The following NOVA1 variants were observed in gnomAD, a reference collection of about 807,000 sequenced individuals.
NOVA1 encodes the protein RNA-binding protein Nova-1.
A neutral mutation model predicts 38.0 loss-of-function variants in NOVA1; 7 were observed. The observed-to-expected ratio is 0.18, with a 90% CI of 0.10 to 0.35. The LOEUF is 0.35. Ranked by LOEUF, NOVA1 falls within the 10% of genes least tolerant of loss-of-function variation. The probability of loss-of-function intolerance (pLI) is 1.00; values close to 1 mark genes in which losing one functional copy is unlikely to be tolerated. For synonymous variants in NOVA1, 270 were observed against 232.5 expected, an observed-to-expected ratio of 1.16 and a Z score of -1.47; for missense variants, 460 against 616.0, an observed-to-expected ratio of 0.75 and a Z score of 2.68.
At chr14:26,573,648 G>GT (rs1473148766) in intron 2 of NOVA1, among the ~76,000 whole-genome samples, 2 of 152,146 alleles carry the variant, frequency 1.3e-5, no homozygotes, top group Non-Finnish European at 2.9e-5. Flanking sequence ...ATTATAATTT[G>GT]AAGTATAAAA....
chr14:26,447,574 C>G lies in NOVA1; in HGVS notation c.*385G>C, dbSNP rs1566424124. On this transcript the variant is annotated 3_prime_UTR_variant, in exon 5 of 5. Transcript: ENST00000539517. ...GCCTCACTCCATTTTAGGTCACTGA[C>G]CCCACCATACTCAACCTAACAGTAG... 5.1e-6 allele frequency: 1 copy of G among 197,824 alleles called. No individual in the cohort carries two copies. Among genetic ancestry groups the G allele is most frequent in the Non-Finnish European group, 1.1e-5 (1 of 95,184 alleles). 12.3% of individuals were successfully genotyped at this position (197,824 alleles called of 1,614,324 possible).
chr14:26,536,427 C>T (rs991427465), intron 2 of NOVA1, among the ~76,000 whole-genome samples: 20 of 151,740 alleles, frequency 1.3e-4, no homozygotes, highest in Admixed American at 3.9e-4. Flanking sequence ...GCTAATGATG[C>T]GACTTTTTTC....
chr14:26,583,730 T>C (rs1166635023), intron 2 of NOVA1, among the ~76,000 whole-genome samples: 1 of 151,342 alleles, frequency 6.6e-6, no homozygotes, highest in South Asian at 2.1e-4. Flanking sequence ...TGATGAAAAA[T>C]CCCGCTTTAT....
At chr14:26,462,010 C>T (rs1398092134) in intron 4 of NOVA1, among the ~76,000 whole-genome samples, 8 of 151,886 alleles carry the variant, frequency 5.3e-5, no homozygotes, top group Non-Finnish European at 1.0e-4. Context: ...CTAAGAGAAC[C>T]TCTAACTGTA....
intron 2 of NOVA1, among the ~76,000 whole-genome samples, chr14:26,554,247 C>A (rs1282831464): frequency 6.6e-6 from 1 of 150,756 alleles, no homozygotes; most frequent in Non-Finnish European, 1.5e-5. Flanking sequence ...GGAGCACAAA[C>A]AGAAAAAAAG....
Position 26,597,410 on chromosome 14 carries a change from C to G in NOVA1, c.27G>C (p.Gln9His). 6.2e-6 allele frequency: 8 copies of G among 1,286,542 alleles called. No homozygotes were observed. The highest frequency in any genetic ancestry group is 5.9e-6 in the Non-Finnish European group (6 of 1,009,312). 79.7% of individuals were successfully genotyped at this position (1,286,542 alleles called of 1,614,324 possible). A position where few individuals can be genotyped will look rare whatever the true frequency, so the allele number is the denominator to read the frequency against. ...TGGGAACCCCAGTGTGGGTCCCGTTCTGCTGGATGGGAGCTGCCGCCATCA... is the reference window on the plus strand; with the variant it reads ...TGGGAACCCCAGTGTGGGTCCCGTTGTGCTGGATGGGAGCTGCCGCCATCA... MMAAAPIQ[Q>H]NGTHTGVPID... Residue 9 changes from glutamine to histidine, a missense_variant, in exon 1 of 5, where the codon CAG becomes CAC. Gln to His is a conservative substitution (Grantham distance 24, BLOSUM62 0). Transcript: ENST00000539517.
Position 26,490,842 on chromosome 14 carries a change from G to GTTT in NOVA1, c.281-10702_281-10700dup, listed in dbSNP as rs71121880. Among the ~76,000 whole-genome samples the GTTT allele has an allele frequency of 5.3e-3, 376 of 70,784 alleles. 1 individual carries two copies. The highest frequency in any genetic ancestry group is 0.01 in the Middle Eastern group (1 of 96). The allele number at this position is 70,784 out of a possible 152,430, so 46.4% of individuals were successfully genotyped here. ...AGGTGCGCACCATCACATCTGGCTA[G>GTTT]TTTTTTTTTTTTTTTTTTTTTTTTT... On this transcript the variant is annotated intron_variant, in intron 2 of 4. Coordinates refer to ENST00000539517, the MANE Select transcript of NOVA1 (RefSeq NM_002515.3).
At chr14:26,463,211 T>G (rs1594339114) in intron 4 of NOVA1, among the ~76,000 whole-genome samples, 2 of 152,304 alleles carry the variant, frequency 1.3e-5, no homozygotes, top group African/African-American at 4.8e-5. Flanking sequence ...TTTTATTTGT[T>G]TCTAAGTATT....
chr14:26,443,872 T>C lies in NOVA1; in HGVS notation c.*4087A>G, dbSNP rs1240781694. 1 of 151,944 alleles carries C rather than the reference T, an allele frequency of 6.6e-6. No homozygotes were observed. Among genetic ancestry groups the C allele is most frequent in the East Asian group, 1.9e-4 (1 of 5,168 alleles). The allele number at this position is 151,944 out of a possible 1,614,324, so 9.4% of individuals were successfully genotyped here. On this transcript the variant is annotated 3_prime_UTR_variant, in exon 5 of 5. Transcript: ENST00000539517. ...CCATGCTTGCCCTGTATTTAATGAG[T>C]GATGAATATTTCTCCTACTAACAGA... is the stretch of plus-strand genomic sequence containing the variant.
chr14:26,589,940 T>C (rs926901795), intron 2 of NOVA1, among the ~76,000 whole-genome samples: 2 of 151,834 alleles, frequency 1.3e-5, no homozygotes, highest in Admixed American at 1.3e-4. Context: ...CACTACTTCA[T>C]TCCTTGCATG....
chr14:26,496,994 A>T (rs1412733117), intron 2 of NOVA1, among the ~76,000 whole-genome samples: 1 of 152,120 alleles, frequency 6.6e-6, no homozygotes, highest in Non-Finnish European at 1.5e-5. Context: ...TTTGGTTCCA[A>T]ATGAACTTTG....
chr14:26,477,462 T>C (rs1885075679), intron 3 of NOVA1, among the ~76,000 whole-genome samples: 1 of 152,234 alleles, frequency 6.6e-6, no homozygotes, highest in South Asian at 2.1e-4. Context: ...TATTCTACTA[T>C]ATGAAAGACC....
chr14:26,569,377 AAC>A (rs1365167612), intron 2 of NOVA1, among the ~76,000 whole-genome samples: 6 of 152,294 alleles, frequency 3.9e-5, no homozygotes, highest in Non-Finnish European at 8.8e-5. Context: ...TCCTCCTCAA[AAC>A]ACAAACATTT....
intron 2 of NOVA1, among the ~76,000 whole-genome samples, chr14:26,498,032 T>C (rs12436165): frequency 0.019 from 2,864 of 152,228 alleles, 62 homozygotes; most frequent in Admixed American, 0.055. Context: ...ATACATGATG[T>C]TGAATAAAAA....
chr14:26,502,838 C>T (rs1256076835), intron 2 of NOVA1, among the ~76,000 whole-genome samples: 4 of 152,036 alleles, frequency 2.6e-5, no homozygotes, highest in Admixed American at 2.0e-4. Flanking sequence ...AATGATAACA[C>T]TAGTTTCATG....
intron 2 of NOVA1, among the ~76,000 whole-genome samples, chr14:26,582,117 C>T (rs761942085): frequency 6.6e-6 from 1 of 151,740 alleles, no homozygotes; most frequent in Non-Finnish European, 1.5e-5. Context: ...CAGAGTCTGG[C>T]TTTTTAAAAC....
intron 2 of NOVA1, among the ~76,000 whole-genome samples, chr14:26,486,696 C>CAAAAAAAAAAA (rs59078775): frequency 4.3e-4 from 10 of 23,102 alleles, no homozygotes; most frequent in Admixed American, 9.8e-4. Flanking sequence ...GTGACAGACT[C>CAAAAAAAAAAA]AAAAAAAAAA....
chr14:26,533,624 C>T (rs751467064), intron 2 of NOVA1, among the ~76,000 whole-genome samples: 15 of 152,056 alleles, frequency 9.9e-5, no homozygotes, highest in Non-Finnish European at 1.8e-4. Flanking sequence ...GTACATGCTG[C>T]CTGTATTCAT....
chr14:26,458,356 T>A (rs1436071610), intron 4 of NOVA1, among the ~76,000 whole-genome samples: 1 of 151,950 alleles, frequency 6.6e-6, no homozygotes, highest in Non-Finnish European at 1.5e-5. Flanking sequence ...ATAAATCACT[T>A]TACATAAAAG....
Sources: gnomAD v4.1 joint callset for allele counts (sites outside exome capture counted in the v4.1 genomes callset) on GRCh38, gnomAD v4.1.1 for gene constraint, MANE v1.5 for transcripts, NCBI Gene and HGNC (gene_info 2026-07-23, HGNC 2026-07-21) for gene names.